ARHGEF9: variants seen among roughly 807,000 people sequenced by gnomAD.
ARHGEF9 encodes the protein Cdc42 guanine nucleotide exchange factor 9.
Under a neutral mutation model 41.3 loss-of-function variants are expected in ARHGEF9, and 2 were observed. The ratio of observed to expected loss-of-function variants is 0.05; its 90% CI spans 0.02 to 0.15. ARHGEF9 has a LOEUF of 0.15. Ranked by LOEUF, ARHGEF9 falls within the 10% of genes least tolerant of loss-of-function variation. The pLI, the probability that ARHGEF9 is intolerant of heterozygous loss-of-function variation, is 1.00. For synonymous variants in ARHGEF9, 160 were observed against 154.4 expected (o/e 1.04, Z -0.27); for missense variants, 225 against 424.7 (o/e 0.53, Z 4.13).
At chrX:63,646,913 TG>T (rs1202860278) in intron 8 of ARHGEF9, among the ~76,000 whole-genome samples, 2 of 111,196 alleles carry the variant, frequency 1.8e-5, no homozygotes, top group Non-Finnish European at 3.8e-5. Context: ...CATTGAGCAG[TG>T]GTTTGTAGTT....
intron 2 of ARHGEF9, among the ~76,000 whole-genome samples, chrX:63,719,497 G>C (rs782285206): frequency 6.4e-4 from 72 of 112,268 alleles, no homozygotes; most frequent in Non-Finnish European, 1.1e-3. Flanking sequence ...GGCACACAAA[G>C]AATCAGTTCT....
At chrX:63,688,607 A>G (rs1212050986) in intron 4 of ARHGEF9, among the ~76,000 whole-genome samples, 2 of 111,769 alleles carry the variant, frequency 1.8e-5, no homozygotes, top group Non-Finnish European at 3.8e-5. Flanking sequence ...CATCTGTACT[A>G]AAAAATACAA....
intron 7 of ARHGEF9, 81 bp downstream of exon 7, chrX:63,665,805 G>A: frequency 8.8e-7 from 1 of 1,139,069 alleles, no homozygotes; most frequent in Non-Finnish European, 1.2e-6. Flanking sequence ...CACTTTGTTG[G>A]GAGCCTGGGG....
At chrX:63,760,284 T>A (rs1157742963) in intron 1 of ARHGEF9, among the ~76,000 whole-genome samples, 1 of 111,021 alleles carries the variant, frequency 9.0e-6, no homozygotes, top group Non-Finnish European at 1.9e-5. Context: ...AGTCTACAGA[T>A]ACTGAATCCT....
chrX:63,648,237 C>G (rs1467846083), intron 8 of ARHGEF9, among the ~76,000 whole-genome samples: 1 of 111,761 alleles, frequency 8.9e-6, no homozygotes, highest in Admixed American at 9.5e-5. Flanking sequence ...GCCCATCAGA[C>G]TAACAGCGGA....
chrX:63,774,682 T>C (rs1458880169), intron 1 of ARHGEF9, among the ~76,000 whole-genome samples: 1 of 111,848 alleles, frequency 8.9e-6, no homozygotes, highest in Non-Finnish European at 1.9e-5. Flanking sequence ...GCAACTGTGC[T>C]ATGTGAAAGG....
intron 1 of ARHGEF9, chrX:63,755,155 C>G (rs1556445735): frequency 1.1e-6 from 1 of 937,604 alleles, no homozygotes. Flanking sequence ...CCTTTTTATT[C>G]ACCGAGCGAC....
chrX:63,718,173 C>T (rs2053426528), intron 2 of ARHGEF9, among the ~76,000 whole-genome samples: 1 of 111,371 alleles, frequency 9.0e-6, no homozygotes, highest in African/African-American at 3.3e-5. Flanking sequence ...CTAGACCACT[C>T]CAGGAGGTGG....
At chrX:63,679,643 G>T (rs1556366770) in intron 4 of ARHGEF9, among the ~76,000 whole-genome samples, 1 of 111,674 alleles carries the variant, frequency 9.0e-6, no homozygotes, top group East Asian at 2.8e-4. Context: ...AAGCATTTGA[G>T]AAAATAAATT....
At chrX:63,696,977 T>C in intron 4 of ARHGEF9, 148 bp downstream of exon 4, 1 of 584,806 alleles carries the variant, frequency 1.7e-6, no homozygotes, top group Non-Finnish European at 2.7e-6. Context: ...GTTTCCTGGC[T>C]AGAGACCAGG....
chrX:63,754,297 A>G (rs1394834943), intron 1 of ARHGEF9: 1 of 1,208,584 alleles, frequency 8.3e-7, no homozygotes, highest in Non-Finnish European at 1.1e-6. Context: ...AGGGAGAGAT[A>G]ATATACCAAC....
intron 1 of ARHGEF9, among the ~76,000 whole-genome samples, chrX:63,765,726 G>C (rs1282687277): frequency 8.9e-6 from 1 of 112,097 alleles, no homozygotes; most frequent in Non-Finnish European, 1.9e-5. Context: ...AATCTGTACA[G>C]TTCTACACAT....
chrX:63,644,107 T>C, intron 8 of ARHGEF9, 59 bp from the exon 9 acceptor site: 1 of 830,875 alleles, frequency 1.2e-6, no homozygotes, highest in Non-Finnish European at 1.7e-6. Flanking sequence ...ACTGAGTGTA[T>C]AAATGAGTAA....
chrX:63,779,528 C>T (rs1415931654), intron 1 of ARHGEF9, among the ~76,000 whole-genome samples: 1 of 111,606 alleles, frequency 9.0e-6, no homozygotes, highest in Non-Finnish European at 1.9e-5. Context: ...TACCTTCCCC[C>T]AGGTCCCTCC....
rs187144972 is a variant in ARHGEF9, at chrX:63,686,202, T to G, written c.583-7630A>C. 1.4e-3 allele frequency among the ~76,000 whole-genome samples: 158 copies of G among 111,840 alleles called. 5 individuals carry two copies. The South Asian group carries it at 0.058, about 41-fold the overall frequency. ...TATTCAGCCATAAAAAGAATGAAAT[T>G]ATGTCATTTGCATCAACGTAGATGA... On this transcript the variant is annotated intron_variant, in intron 4 of 9. Coordinates refer to ENST00000671741, the MANE Select transcript of ARHGEF9 (RefSeq NM_001353921.2).
intron 1 of ARHGEF9, among the ~76,000 whole-genome samples, chrX:63,769,399 G>A (rs1320260358): frequency 3.6e-5 from 4 of 109,998 alleles, no homozygotes; most frequent in African/African-American, 6.6e-5. Flanking sequence ...TAAAAGCAAA[G>A]CATAAAAGTT....
At chrX:63,646,457 G>A (rs1434518729) in intron 8 of ARHGEF9, among the ~76,000 whole-genome samples, 1 of 111,942 alleles carries the variant, frequency 8.9e-6, no homozygotes, top group Non-Finnish European at 1.9e-5. Context: ...TGGCTAGCCA[G>A]TTTTCCCAGC....
intron 6 of ARHGEF9, chrX:63,670,102 C>G (rs2049852486): frequency 9.0e-6 from 1 of 111,523 alleles, no homozygotes; most frequent in African/African-American, 3.3e-5. Context: ...CTAATTCACC[C>G]CATTCTGCCT....
At chrX:63,739,759 G>A (rs190289478) in intron 1 of ARHGEF9, among the ~76,000 whole-genome samples, 2 of 112,153 alleles carry the variant, frequency 1.8e-5, no homozygotes, top group Admixed American at 1.9e-4. Context: ...TTACAACCTG[G>A]ATGAAATCTT....
Sources: gnomAD v4.1 joint callset for allele counts (sites outside exome capture counted in the v4.1 genomes callset) on GRCh38, gnomAD v4.1.1 for gene constraint, MANE v1.5 for transcripts, NCBI Gene and HGNC (gene_info 2026-07-23, HGNC 2026-07-21) for gene names.